The following DYM variants were observed in gnomAD, a reference collection of about 807,000 sequenced individuals.
DYM encodes dymeclin.
DYM carries 78 observed loss-of-function variants against 93.1 expected under a neutral mutation model. That is an observed-to-expected ratio of 0.84 (90% CI 0.70 to 1.01). The LOEUF (loss-of-function observed/expected upper bound fraction) is 1.01, where lower values mean the gene tolerates loss of function less well. DYM is among the 50% of genes least tolerant of loss of function. The pLI, the probability that DYM is intolerant of heterozygous loss-of-function variation, is 0.00. For synonymous variants in DYM, 321 were observed against 319.7 expected, an observed-to-expected ratio of 1.00 and a Z score of -0.04; for missense variants, 789 against 845.0, an observed-to-expected ratio of 0.93 and a Z score of 0.82.
chr18:49,440,473 CTA>C (rs920420895), intron 1 of DYM, among the ~76,000 whole-genome samples: 2 of 93,200 alleles, frequency 2.1e-5, no homozygotes, highest in Non-Finnish European at 3.9e-5. Flanking sequence ...TAATATATGA[CTA>C]TATATTATAT....
chr18:49,139,410 G>A (rs1172739658), intron 15 of DYM, among the ~76,000 whole-genome samples: 3 of 151,914 alleles, frequency 2.0e-5, no homozygotes, highest in Non-Finnish European at 4.4e-5. Flanking sequence ...TAAAAAACGA[G>A]GCATTCCCTC....
At chr18:49,283,442 G>C (rs968398644) in intron 9 of DYM, among the ~76,000 whole-genome samples, 4 of 149,272 alleles carry the variant, frequency 2.7e-5, no homozygotes, top group African/African-American at 9.9e-5. Context: ...TTTTTTTAAA[G>C]TACAGTCACT....
At chr18:49,429,885 G>T (rs2074648031) in intron 2 of DYM, among the ~76,000 whole-genome samples, 2 of 152,106 alleles carry the variant, frequency 1.3e-5, no homozygotes, top group Non-Finnish European at 2.9e-5. Flanking sequence ...ACATATACAA[G>T]ATATATTTTA....
chr18:49,300,124 T>C (rs1379586320), intron 8 of DYM, among the ~76,000 whole-genome samples: 1 of 147,658 alleles, frequency 6.8e-6, no homozygotes, highest in Non-Finnish European at 1.5e-5. Context: ...AATATATACA[T>C]ATTTGTATGA....
intron 7 of DYM, 34 bp downstream of exon 7, chr18:49,333,694 G>GA: frequency 6.2e-7 from 1 of 1,606,926 alleles, no homozygotes; most frequent in East Asian, 2.2e-5. Flanking sequence ...TTTATACAAT[G>GA]AAAAAACTAG....
At chr18:49,261,404 C>T (rs1169413461) in intron 11 of DYM, among the ~76,000 whole-genome samples, 1 of 152,232 alleles carries the variant, frequency 6.6e-6, no homozygotes, top group East Asian at 1.9e-4. Flanking sequence ...GGCATGGAGG[C>T]TCACGCCTGT....
intron 17 of DYM, among the ~76,000 whole-genome samples, chr18:49,058,159 A>AT (rs1368026703): frequency 6.6e-6 from 1 of 152,142 alleles, no homozygotes; most frequent in Non-Finnish European, 1.5e-5. Flanking sequence ...CTCTATCATG[A>AT]TTTTTTTCAA....
intron 16 of DYM, among the ~76,000 whole-genome samples, chr18:49,106,442 G>T (rs1410882222): frequency 6.6e-6 from 1 of 152,158 alleles, no homozygotes; most frequent in Non-Finnish European, 1.5e-5. Context: ...ATTTGATCCT[G>T]TCATTATGAT....
intron 2 of DYM, among the ~76,000 whole-genome samples, chr18:49,410,321 A>T (rs981648261): frequency 6.6e-6 from 1 of 151,938 alleles, no homozygotes; most frequent in Non-Finnish European, 1.5e-5. Flanking sequence ...TTGACCCCCA[A>T]AGTACTGGGA....
intron 1 of DYM, among the ~76,000 whole-genome samples, chr18:49,435,073 T>C (rs2080704586): frequency 1.3e-5 from 2 of 149,480 alleles, no homozygotes; most frequent in East Asian, 2.2e-4. Flanking sequence ...CACAGCATGG[T>C]GGTGTGCGCC....
chr18:49,080,883 C>CTGCAATCTCGGCACTTTGGGA (rs1431021569), intron 17 of DYM, among the ~76,000 whole-genome samples: 1 of 150,848 alleles, frequency 6.6e-6, no homozygotes, highest in African/African-American at 2.4e-5. Flanking sequence ...CGGGCAGAGG[C>CTGCAATCTCGGCACTTTGGGA]GCTCCCCACA....
chr18:49,239,964 TG>T (rs1220443123), intron 13 of DYM, among the ~76,000 whole-genome samples: 2 of 152,240 alleles, frequency 1.3e-5, no homozygotes, highest in South Asian at 2.1e-4. Flanking sequence ...ACAGTAACAT[TG>T]TTTTTTTATG....
intron 1 of DYM, among the ~76,000 whole-genome samples, chr18:49,441,287 TATATA>T (rs1453529008): frequency 0.019 from 830 of 43,946 alleles, 26 homozygotes; most frequent in Middle Eastern, 0.028. Context: ...TATATAATTA[TATATA>T]ATATAATTAT....
At chr18:49,271,146 C>T (rs1383740971) in intron 11 of DYM, among the ~76,000 whole-genome samples, 2 of 152,040 alleles carry the variant, frequency 1.3e-5, no homozygotes, top group Admixed American at 6.6e-5. Context: ...AAAGAAAATT[C>T]GGTAAGTTTG....
chr18:49,074,029 T>G (rs1477473312), intron 17 of DYM, among the ~76,000 whole-genome samples: 1 of 152,202 alleles, frequency 6.6e-6, no homozygotes, highest in African/African-American at 2.4e-5. Context: ...CTATCCGAGT[T>G]GTGATTCTGA....
Position 49,213,698 on chromosome 18 carries a change from GATAAAA to G in DYM, c.1461-3989_1461-3984del, listed in dbSNP as rs549151744. Among the ~76,000 whole-genome samples, 20 of 152,250 alleles carry G rather than the reference GATAAAA, an allele frequency of 1.3e-4. 1 individual carries two copies. In the East Asian group the frequency reaches 3.9e-3, roughly 29 times the overall value. ...AGGCAAGTTAACCTTTACCTAGACT[GATAAAA>G]ATATTCTGTATATCCTTTTCCAATG... On this transcript the variant is annotated intron_variant, in intron 13 of 17. Transcript: ENST00000675505.
intron 7 of DYM, 42 bp from the exon 8 acceptor site, chr18:49,332,048 A>G: frequency 6.3e-7 from 1 of 1,579,318 alleles, no homozygotes; most frequent in South Asian, 1.1e-5. Context: ...TATTTATGGG[A>G]GTCATCTAAT....
intron 1 of DYM, among the ~76,000 whole-genome samples, chr18:49,434,450 G>T (rs1189667817): frequency 1.3e-5 from 2 of 152,082 alleles, no homozygotes; most frequent in African/African-American, 4.8e-5. Flanking sequence ...AACCTGGGAG[G>T]CGGAGGTTGC....
chr18:49,117,758 A>G (rs1364696734), intron 16 of DYM, among the ~76,000 whole-genome samples: 2 of 152,100 alleles, frequency 1.3e-5, no homozygotes, highest in African/African-American at 4.8e-5. Context: ...TCTACACACT[A>G]CAGTGTATTC....
Sources: gnomAD v4.1 joint callset for allele counts (sites outside exome capture counted in the v4.1 genomes callset) on GRCh38, gnomAD v4.1.1 for gene constraint, MANE v1.5 for transcripts, NCBI Gene and HGNC (gene_info 2026-07-23, HGNC 2026-07-21) for gene names.